CORIN: variants seen among roughly 807,000 people sequenced by gnomAD.
The protein encoded by CORIN is corin, serine peptidase, also known as atrial natriuretic peptide-converting enzyme.
CORIN carries 117 observed loss-of-function variants against 125.3 expected under a neutral mutation model. The ratio of observed to expected loss-of-function variants is 0.93; its 90% CI spans 0.80 to 1.09. The LOEUF is 1.09. CORIN is among the 50% of genes least tolerant of loss of function. The pLI is 0.00. For synonymous variants in CORIN, 450 were observed against 466.4 expected, an observed-to-expected ratio of 0.96 and a Z score of 0.45; for missense variants, 1,253 against 1,306.7, an observed-to-expected ratio of 0.96 and a Z score of 0.63.
Position 47,772,113 on chromosome 4 carries a change from ATAGG to A in CORIN, c.410-8531_410-8528del, listed in dbSNP as rs1553917107. On this transcript the variant is annotated intron_variant, in intron 3 of 21. Coordinates refer to ENST00000273857, the MANE Select transcript of CORIN (RefSeq NM_006587.4). ...GATAGATAGATAGATAGATAGATAG[ATAGG>A]TAGATAGATAATTGTCTCTATCTTA... 4.8e-3 allele frequency among the ~76,000 whole-genome samples: 728 copies of A among 151,434 alleles called. 7 individuals carry two copies. The highest frequency in any genetic ancestry group is 0.015 in the African/African-American group (602 of 40,988).
chr4:47,645,784 G>T (rs1253708860), intron 13 of CORIN, among the ~76,000 whole-genome samples: 1 of 152,090 alleles, frequency 6.6e-6, no homozygotes, highest in East Asian at 1.9e-4. Flanking sequence ...TACTTGGGAG[G>T]CTAAGGCAGG....
intron 2 of CORIN, among the ~76,000 whole-genome samples, chr4:47,802,700 G>T (rs944668435): frequency 1.3e-5 from 2 of 152,240 alleles, no homozygotes; most frequent in African/African-American, 4.8e-5. Context: ...CTGCCCTGAA[G>T]AGAGGGACAC....
At position 47,603,391 on chromosome 4, in the gene CORIN, G is replaced by T; in HGVS notation, c.2812+6C>A. 6.2e-7 allele frequency: 1 copy of T among 1,613,178 alleles called. No homozygotes were observed. The highest frequency in any genetic ancestry group is 8.5e-7 in the Non-Finnish European group (1 of 1,179,830). On this transcript the variant is annotated splice_donor_region_variant and intron_variant, in intron 20 of 21. Transcript: ENST00000273857. ...AGCATGAGAATGGACTAATACACTG[G>T]CTTACTTTTATTGCCCATGTGGCCC...
Position 47,657,259 on chromosome 4 carries a change from C to T in CORIN, c.1736-3599G>A, listed in dbSNP as rs1432888845. On this transcript the variant is annotated intron_variant, in intron 12 of 21. Transcript: ENST00000273857. Reference sequence around the variant, plus strand: ...AAAGAAATACCTGATACCAGCCAGGCGTGGTGGCTCATGCCTGTAATCCCA... The same window carrying T: ...AAAGAAATACCTGATACCAGCCAGGTGTGGTGGCTCATGCCTGTAATCCCA... Among the ~76,000 whole-genome samples, 9 of 152,112 alleles carry T rather than the reference C, an allele frequency of 5.9e-5. No homozygotes were observed. In the Middle Eastern group the frequency reaches 0.01, roughly 172 times the overall value.
At chr4:47,829,280 ATCTGTT>A (rs1326659245) in intron 1 of CORIN, among the ~76,000 whole-genome samples, 1 of 150,260 alleles carries the variant, frequency 6.7e-6, no homozygotes, top group East Asian at 2.0e-4. Context: ...GTTCAAATTT[ATCTGTT>A]TCTTTTTGCT....
chr4:47,623,033 T>C (rs1339926511), intron 19 of CORIN, among the ~76,000 whole-genome samples: 1 of 150,724 alleles, frequency 6.6e-6, no homozygotes, highest in Admixed American at 6.6e-5. Context: ...ATGACAAGGC[T>C]GCCTAGATTT....
intron 1 of CORIN, chr4:47,837,266 C>T (rs949200290): frequency 1.9e-5 from 3 of 158,620 alleles, no homozygotes; most frequent in Non-Finnish European, 4.1e-5. Context: ...GCACTTAGGA[C>T]GGGCGAGTGA....
chr4:47,799,243 G>A (rs1254007115), intron 2 of CORIN, among the ~76,000 whole-genome samples: 1 of 151,954 alleles, frequency 6.6e-6, no homozygotes, highest in African/African-American at 2.4e-5. Context: ...ATGAATATAT[G>A]AGTGTGTGTG....
intron 5 of CORIN, among the ~76,000 whole-genome samples, chr4:47,698,023 T>C (rs570794548): frequency 6.6e-6 from 1 of 151,836 alleles, no homozygotes; most frequent in East Asian, 1.9e-4. Context: ...ACAGAATAAC[T>C]ATTATTCTGT....
intron 4 of CORIN, among the ~76,000 whole-genome samples, chr4:47,755,592 A>G (rs553349982): frequency 6.6e-6 from 1 of 152,332 alleles, no homozygotes; most frequent in African/African-American, 2.4e-5. Context: ...ACAATCTAGT[A>G]ATTCCTCATC....
intron 5 of CORIN, among the ~76,000 whole-genome samples, chr4:47,708,571 A>G (rs933098513): frequency 6.6e-6 from 1 of 152,108 alleles, no homozygotes; most frequent in Non-Finnish European, 1.5e-5. Context: ...TGGGGGGGTC[A>G]TTATTCTCCC....
At chr4:47,755,476 T>C (rs958725431) in intron 4 of CORIN, among the ~76,000 whole-genome samples, 2 of 152,222 alleles carry the variant, frequency 1.3e-5, no homozygotes, top group Non-Finnish European at 2.9e-5. Flanking sequence ...TTCTGTTCTT[T>C]ATATAAACTT....
At chr4:47,795,258 G>A (rs1233210684) in intron 2 of CORIN, among the ~76,000 whole-genome samples, 1 of 151,988 alleles carries the variant, frequency 6.6e-6, no homozygotes. Flanking sequence ...GCTCAAAATC[G>A]CTTTGGGTAT....
chr4:47,638,349 T>C (rs551399674), intron 16 of CORIN, among the ~76,000 whole-genome samples: 1 of 152,148 alleles, frequency 6.6e-6, no homozygotes, highest in South Asian at 2.1e-4. Context: ...GAATGATTGG[T>C]TTTGAAATGT....
At chr4:47,711,458 A>G (rs529966523) in intron 5 of CORIN, among the ~76,000 whole-genome samples, 7 of 152,290 alleles carry the variant, frequency 4.6e-5, no homozygotes, top group Non-Finnish European at 1.5e-5. Flanking sequence ...GCTGCCATGT[A>G]CTTCCTCTCT....
chr4:47,595,835 T>C lies in CORIN; in HGVS notation c.3015A>G (p.Ser1005=). 2 of 1,613,838 alleles carry C rather than the reference T, an allele frequency of 1.2e-6. No individual in the cohort carries two copies. Among genetic ancestry groups the C allele is most frequent in the Non-Finnish European group, 1.7e-6 (2 of 1,179,846 alleles). The change falls in exon 22 of 22, where the codon TCA becomes TCG. Residue 1005 remains serine, a synonymous_variant. Coordinates refer to ENST00000273857, the MANE Select transcript of CORIN (RefSeq NM_006587.4). ...GGRWTLFGLT[S]WGSVCFSKVL... is the part of the protein sequence containing the mutation. ...CTTTGGAAAAGCAGACGGAGCCCCA[T>C]GAAGTTAATCCAAATAATGTCCACC...
chr4:47,624,423 C>A (rs17653988), intron 17 of CORIN, among the ~76,000 whole-genome samples: 40,405 of 151,728 alleles, frequency 0.27, 6,434 homozygotes, highest in East Asian at 0.64. Context: ...GAGAAATACT[C>A]CAAGATGAGT....
chr4:47,705,737 A>G (rs772420440), intron 5 of CORIN, among the ~76,000 whole-genome samples: 10 of 152,214 alleles, frequency 6.6e-5, no homozygotes, highest in Non-Finnish European at 1.5e-4. Flanking sequence ...CAAAAGGGAA[A>G]GAAATTTATT....
At position 47,595,479 on chromosome 4, in the gene CORIN, CAA is replaced by C. The variant is rs570134607; in HGVS notation, c.*240_*241del. 1.1e-4 allele frequency: 33 copies of C among 300,256 alleles called. No individual in the cohort carries two copies. Among genetic ancestry groups the C allele is most frequent in the African/African-American group, 6.9e-4 (32 of 46,082 alleles). 18.6% of individuals were successfully genotyped at this position (300,256 alleles called of 1,614,324 possible). ...GTCATGGTTAGGCCTGGCAAAAGGA[CAA>C]AGTCTGCTTTGTTTGCTTTTGTAAA... is the stretch of plus-strand genomic sequence containing the variant. On this transcript the variant is annotated 3_prime_UTR_variant, in exon 22 of 22. Transcript: ENST00000273857.
Sources: gnomAD v4.1 joint callset for allele counts (sites outside exome capture counted in the v4.1 genomes callset) on GRCh38, gnomAD v4.1.1 for gene constraint, MANE v1.5 for transcripts, NCBI Gene and HGNC (gene_info 2026-07-23, HGNC 2026-07-21) for gene names.